CIP2A: variants seen among roughly 807,000 people sequenced by gnomAD.
CIP2A encodes the protein cellular inhibitor of PP2A, also known as protein CIP2A.
A neutral mutation model predicts 110.9 loss-of-function variants in CIP2A; 103 were observed. That is an observed-to-expected ratio of 0.93 (90% CI 0.79 to 1.09). The LOEUF is 1.09. Ranked by LOEUF, CIP2A falls within the 50% of genes least tolerant of loss-of-function variation. The probability of loss-of-function intolerance (pLI) is 0.00; values close to 1 mark genes in which losing one functional copy is unlikely to be tolerated. For missense variants in CIP2A, 1,088 were observed against 1,038.4 expected, an observed-to-expected ratio of 1.05 and a Z score of -0.66; for synonymous variants, 381 against 361.6, an observed-to-expected ratio of 1.05 and a Z score of -0.61.
rs71103480 is a variant in CIP2A, at chr3:108,575,889, T to TATATATACGTATATATACTCATATAC, written c.894+381_894+382insGTATATGAGTATATATACGTATATAT. 1.1e-4 allele frequency among the ~76,000 whole-genome samples: 5 copies of TATATATACGTATATATACTCATATAC among 46,550 alleles called. 2 individuals carry two copies. Among genetic ancestry groups the TATATATACGTATATATACTCATATAC allele is most frequent in the East Asian group, 0.012 (2 of 170 alleles). 30.5% of individuals were successfully genotyped at this position (46,550 alleles called of 152,430 possible). On this transcript the variant is annotated intron_variant, in intron 8 of 20. Coordinates refer to ENST00000295746, the MANE Select transcript of CIP2A (RefSeq NM_020890.3). ...ACGTATATATACTCATATACATGTGTATGAGTATATATACATATATACATA... is the reference window on the plus strand; with the variant it reads ...ACGTATATATACTCATATACATGTGTATATATACGTATATATACTCATATACATGAGTATATATACATATATACATA...
chr3:108,587,984 G>C (rs1939128511), intron 1 of CIP2A, among the ~76,000 whole-genome samples: 1 of 152,076 alleles, frequency 6.6e-6, no homozygotes, highest in Admixed American at 6.5e-5. Flanking sequence ...TCGCATGTTG[G>C]TCAGGCTGGT....
chr3:108,582,532 G>A (rs1361233584), intron 3 of CIP2A, among the ~76,000 whole-genome samples: 2 of 152,112 alleles, frequency 1.3e-5, no homozygotes, highest in East Asian at 3.9e-4. Context: ...TTTAATTTGT[G>A]ATGTTTTTCT....
At chr3:108,575,729 T>C (rs370634101) in intron 8 of CIP2A, among the ~76,000 whole-genome samples, 5 of 25,110 alleles carry the variant, frequency 2.0e-4, no homozygotes, top group South Asian at 3.5e-3. Context: ...TGTGTATATA[T>C]ACGTGTATAT....
Position 108,576,315 on chromosome 3 carries a change from C to A in CIP2A, c.850G>T (p.Val284Leu), listed in dbSNP as rs546027952. The change falls in exon 8 of 21, where the codon GTA (valine) becomes TTA (leucine). Residue 284 changes from valine to leucine, a missense_variant. Val to Leu is a conservative substitution (Grantham distance 32). Transcript: ENST00000295746. ...TCCTTTCCATTAAGAAGACCTAATA[C>A]TTGGTGAAGACATGAAGAAAAGTGC... is the stretch of plus-strand genomic sequence containing the variant. ...YEHFSSCLHQVLGLLNGKDPD... is the reference protein window; with the variant it reads ...YEHFSSCLHQLLGLLNGKDPD... 26 of 1,563,038 alleles carry A rather than the reference C, an allele frequency of 1.7e-5. No homozygotes were observed. In the South Asian group the frequency reaches 3.0e-4, roughly 18 times the overall value.
chr3:108,552,523 A>T, intron 19 of CIP2A, 150 bp from the exon 20 acceptor site: 1 of 447,832 alleles, frequency 2.2e-6, no homozygotes, highest in Non-Finnish European at 3.9e-6. Flanking sequence ...GAAAATACCA[A>T]ATCTCCATGT....
At position 108,557,374 on chromosome 3, in the gene CIP2A, TTTCTCTCAAC is replaced by T; in HGVS notation, c.2044_2053del (p.Val682LysfsTer9). On this transcript the variant is annotated frameshift_variant, in exon 17 of 21. Transcript: ENST00000295746. LOFTEE classifies it high-confidence loss of function. ...CAGCAACACACTAAGCTCTTCATTT[TTTCTCTCAAC>T]TTCTCTCAACATACTAGCAAGTGTC... The T allele has an allele frequency of 3.1e-6, 5 of 1,608,686 alleles. No individual in the cohort carries two copies. Among genetic ancestry groups the T allele is most frequent in the African/African-American group, 1.3e-5 (1 of 74,890 alleles).
In CIP2A at chr3:108,589,417, C is replaced by T. The variant is rs530070324; in HGVS notation, c.-42G>A. 2.1e-6 allele frequency: 3 copies of T among 1,436,914 alleles called. No individual in the cohort carries two copies. Among genetic ancestry groups the T allele is most frequent in the Non-Finnish European group, 2.9e-6 (3 of 1,032,942 alleles). 89.0% of individuals were successfully genotyped at this position (1,436,914 alleles called of 1,614,324 possible). On this transcript the variant is annotated 5_prime_UTR_variant, in exon 1 of 21. Transcript: ENST00000295746. ...CGGCTTAGGGACCACCACCGCCCAG[C>T]GTGCGCCGGCCTTTAGCTTTCGCCG...
intron 13 of CIP2A, among the ~76,000 whole-genome samples, chr3:108,562,230 C>T (rs1469068920): frequency 1.3e-5 from 2 of 152,126 alleles, no homozygotes; most frequent in African/African-American, 4.8e-5. Flanking sequence ...TGGACCAGCA[C>T]TTTTTCTTAT....
intron 2 of CIP2A, 42 bp downstream of exon 2, chr3:108,585,023 T>C: frequency 6.4e-7 from 1 of 1,568,272 alleles, no homozygotes; most frequent in Non-Finnish European, 8.7e-7. Flanking sequence ...ATATTGTTCA[T>C]ACATCTTCCA....
intron 12 of CIP2A, among the ~76,000 whole-genome samples, chr3:108,563,601 G>A (rs1334729897): frequency 6.6e-6 from 1 of 151,668 alleles, no homozygotes; most frequent in Non-Finnish European, 1.5e-5. Flanking sequence ...AGAAAAAAAT[G>A]GCCAATCACT....
At chr3:108,565,535 G>GA (rs539019850) in intron 11 of CIP2A, 81 bp from the exon 12 acceptor site, 140 of 700,582 alleles carry the variant, frequency 2.0e-4, no homozygotes, top group Non-Finnish European at 3.2e-4. Context: ...TAAAGAAAAT[G>GA]AAAAAAACCA....
At chr3:108,554,546 AAAG>A (rs1244168250) in intron 17 of CIP2A, 57 bp from the exon 18 acceptor site, 3 of 722,046 alleles carry the variant, frequency 4.2e-6, no homozygotes, top group Admixed American at 2.8e-5. Flanking sequence ...ATGAAGGAGA[AAAG>A]AAGCTCACAG....
intron 8 of CIP2A, chr3:108,574,635 C>T (rs1938504461): frequency 6.5e-6 from 1 of 152,920 alleles, no homozygotes; most frequent in South Asian, 2.1e-4. Flanking sequence ...AAACAGCTGC[C>T]TCCTTGGTAG....
rs758178534 is a variant in CIP2A, at chr3:108,576,307, A to G, written c.858T>C (p.Gly286=). The G allele has an allele frequency of 1.4e-5, 22 of 1,566,722 alleles. 1 individual carries two copies. The highest frequency in any genetic ancestry group is 1.8e-5 in the Non-Finnish European group (21 of 1,155,168). Residue 286 remains glycine, a synonymous_variant, in exon 8 of 21, where the codon GGT becomes GGC. Transcript: ENST00000295746. ...AATCAGGATCCTTTCCATTAAGAAG[A>G]CCTAATACTTGGTGAAGACATGAAG... ...HFSSCLHQVL[G]LLNGKDPDSS... is the part of the protein sequence containing the mutation.
In CIP2A at chr3:108,575,863, C is replaced by CGTGTATATAT. The variant is rs1559699625; in HGVS notation, c.894+407_894+408insATATATACAC. On this transcript the variant is annotated intron_variant, in intron 8 of 20. Coordinates refer to ENST00000295746, the MANE Select transcript of CIP2A (RefSeq NM_020890.3). ...ATATACTCATATACATGTGTATATACACGTATATATACTCATATACATGTG... is the reference window on the plus strand; with the variant it reads ...ATATACTCATATACATGTGTATATACGTGTATATATACGTATATATACTCATATACATGTG... 1.7e-4 allele frequency among the ~76,000 whole-genome samples: 4 copies of CGTGTATATAT among 23,838 alleles called. 1 individual carries two copies. The highest frequency in any genetic ancestry group is 7.1e-4 in the African/African-American group (4 of 5,606). The allele number at this position is 23,838 out of a possible 152,430, so 15.6% of individuals were successfully genotyped here. A position where few individuals can be genotyped will look rare whatever the true frequency, so the allele number is the denominator to read the frequency against.
At chr3:108,577,334 G>A (rs1229994159) in intron 7 of CIP2A, among the ~76,000 whole-genome samples, 1 of 152,134 alleles carries the variant, frequency 6.6e-6, no homozygotes, top group African/African-American at 2.4e-5. Flanking sequence ...GTAAGTTAAA[G>A]GGGAAGGGTC....
At chr3:108,573,888 T>A (rs1938481801) in intron 8 of CIP2A, among the ~76,000 whole-genome samples, 1 of 152,126 alleles carries the variant, frequency 6.6e-6, no homozygotes, top group Non-Finnish European at 1.5e-5. Context: ...GGAAAAGTCG[T>A]ACTTCACAAC....
chr3:108,575,642 T>A (rs1938583925), intron 8 of CIP2A, among the ~76,000 whole-genome samples: 2 of 132,362 alleles, frequency 1.5e-5, no homozygotes, highest in Non-Finnish European at 3.2e-5. Context: ...GTATATATAC[T>A]CATATACATG....
intron 17 of CIP2A, 66 bp from the exon 18 acceptor site, chr3:108,554,555 C>A: frequency 1.4e-6 from 1 of 691,722 alleles, no homozygotes; most frequent in South Asian, 1.8e-5. Flanking sequence ...AAAAGAAGCT[C>A]ACAGTGTTTT....
Sources: allele counts gnomAD v4.1 joint callset (sites outside exome capture counted in the v4.1 genomes callset), GRCh38; gene constraint gnomAD v4.1.1; transcripts MANE v1.5; gene names NCBI Gene and HGNC (gene_info 2026-07-23, HGNC 2026-07-21).